Variants in NF2 observed in about 807,000 individuals in gnomAD.
The protein encoded by NF2 is NF2, moesin-ezrin-radixin like (MERLIN) tumor suppressor, also known as merlin.
In NF2, 8 loss-of-function variants were observed where a neutral mutation model predicts 83.7. That is an observed-to-expected ratio of 0.10 (90% CI 0.06 to 0.17). NF2 has a LOEUF of 0.17. NF2 is among the 10% of genes least tolerant of loss of function. The pLI is 1.00. For synonymous variants in NF2, 266 were observed against 269.6 expected (o/e 0.99, Z 0.13); for missense variants, 533 against 744.4 (o/e 0.72, Z 3.31).
chr22:29,674,094 G>T (rs1422458864), intron 12 of NF2, among the ~76,000 whole-genome samples: 1 of 152,202 alleles, frequency 6.6e-6, no homozygotes, highest in Non-Finnish European at 1.5e-5. Context: ...CACAGCTTTT[G>T]GCTCTGTTGA....
rs753696407 is a variant in NF2 at position 29,674,809 on chromosome 22, A to G, written c.1341-27A>G. On this transcript the variant is annotated intron_variant, in intron 12 of 15. Coordinates refer to ENST00000338641, the MANE Select transcript of NF2 (RefSeq NM_000268.4). ...TCCTGCTACCTGCCCTCTTCTGTGAAGCTGACATCTCATCCTTTCCTTGCA... is the reference window on the plus strand; with the variant it reads ...TCCTGCTACCTGCCCTCTTCTGTGAGGCTGACATCTCATCCTTTCCTTGCA... The G allele has an allele frequency of 9.7e-6, 15 of 1,548,252 alleles. No individual in the cohort carries two copies. In the Admixed American group the frequency reaches 2.9e-4, roughly 30 times the overall value.
At chr22:29,626,540 T>G (rs1370506751) in intron 1 of NF2, among the ~76,000 whole-genome samples, 1 of 152,194 alleles carries the variant, frequency 6.6e-6, no homozygotes, top group East Asian at 1.9e-4. Flanking sequence ...TTGATGACCA[T>G]GAGACTTAAT....
In NF2 at chr22:29,640,312, C is replaced by A. The variant is rs577684766; in HGVS notation, c.363+1100C>A. Among the ~76,000 whole-genome samples the A allele has an allele frequency of 1.5e-3, 224 of 151,776 alleles. 2 individuals carry two copies. Among genetic ancestry groups the A allele is most frequent in the Non-Finnish European group, 2.4e-3 (163 of 67,956 alleles). ...ATGCTATGCTGTGTCTCTAATTGTC[C>A]TATTTCTTCCTTAATTCCTCATTAG... On this transcript the variant is annotated intron_variant, in intron 3 of 15. Coordinates refer to ENST00000338641, the MANE Select transcript of NF2 (RefSeq NM_000268.4).
intron 1 of NF2, among the ~76,000 whole-genome samples, chr22:29,612,486 C>CT (rs574380322): frequency 0.022 from 3,348 of 148,888 alleles, 54 homozygotes; most frequent in Non-Finnish European, 0.033. Flanking sequence ...TCATCCCTAG[C>CT]TTTTTTTTTT....
chr22:29,691,522 A>C (rs1309228585), intron 15 of NF2, among the ~76,000 whole-genome samples: 1 of 152,200 alleles, frequency 6.6e-6, no homozygotes, highest in East Asian at 1.9e-4. Context: ...GCTGGTTTTC[A>C]TGTGTTTAAA....
Position 29,695,001 on chromosome 22 carries a change from C to T in NF2, c.*199C>T. ...ACTACGACCCTGTAGAGATTTCTCT[C>T]ATGGCGTTCTAGTTCTCTGACCTGA... On this transcript the variant is annotated 3_prime_UTR_variant, in exon 16 of 16. Transcript: ENST00000338641. The surrounding 1 kb of genome is among the most constrained non-coding windows in gnomAD (Gnocchi z 5.4). 3.1e-6 allele frequency: 2 copies of T among 642,356 alleles called. No individual in the cohort carries two copies. Among genetic ancestry groups the T allele is most frequent in the Non-Finnish European group, 5.6e-6 (2 of 358,066 alleles). 39.8% of individuals were successfully genotyped at this position (642,356 alleles called of 1,614,324 possible).
chr22:29,628,138 A>C (rs1355719989), intron 1 of NF2, among the ~76,000 whole-genome samples: 1 of 109,644 alleles, frequency 9.1e-6, no homozygotes, highest in Non-Finnish European at 1.8e-5. Flanking sequence ...GGGAGACTTA[A>C]TCTGTGTGTG....
chr22:29,627,301 A>G (rs554687654), intron 1 of NF2, among the ~76,000 whole-genome samples: 1 of 152,318 alleles, frequency 6.6e-6, no homozygotes, highest in South Asian at 2.1e-4. Context: ...TACCCAGCAC[A>G]GCGGGTTTGG....
At chr22:29,625,961 G>C (rs1387887069) in intron 1 of NF2, among the ~76,000 whole-genome samples, 1 of 152,024 alleles carries the variant, frequency 6.6e-6, no homozygotes, top group African/African-American at 2.4e-5. Flanking sequence ...CAATAGTTTT[G>C]ATAGTTTGAC....
intron 1 of NF2, among the ~76,000 whole-genome samples, chr22:29,623,989 A>G (rs1323537269): frequency 3.3e-5 from 5 of 152,066 alleles, no homozygotes; most frequent in African/African-American, 1.2e-4. Context: ...AAGTCATCTC[A>G]AGACTTGAGT....
intron 15 of NF2, among the ~76,000 whole-genome samples, chr22:29,690,606 C>G (rs778969535): frequency 1.1e-4 from 16 of 152,284 alleles, no homozygotes; most frequent in Middle Eastern, 3.4e-3. Flanking sequence ...CATAGATCTG[C>G]CCCAGAGAAA....
intron 15 of NF2, chr22:29,683,229 A>G (rs1332912472): frequency 1.3e-6 from 2 of 1,562,746 alleles, no homozygotes; most frequent in African/African-American, 2.7e-5. Context: ...AAAAGTAGGC[A>G]CCCACCCTGT....
At chr22:29,659,582 T>C (rs1053446782) in intron 7 of NF2, among the ~76,000 whole-genome samples, 1 of 152,252 alleles carries the variant, frequency 6.6e-6, no homozygotes, top group Non-Finnish European at 1.5e-5. Flanking sequence ...GTGTCTTTTA[T>C]GTTAAATTTC....
At position 29,683,278 on chromosome 22, in the gene NF2, C is replaced by T. The variant is rs918186762; in HGVS notation, c.1737+1677C>T. On this transcript the variant is annotated intron_variant, in intron 15 of 15. Transcript: ENST00000338641. ...CCTCCAGGGCCCCAGAAGACTGCCT[C>T]GTTCCGAAGAGCATGTCATGGGGCT... 34 of 1,463,546 alleles carry T rather than the reference C, an allele frequency of 2.3e-5. No individual in the cohort carries two copies. The African/African-American group carries it at 3.3e-4, about 14-fold the overall frequency. 90.7% of individuals were successfully genotyped at this position (1,463,546 alleles called of 1,614,324 possible). A position where few individuals can be genotyped will look rare whatever the true frequency, so the allele number is the denominator to read the frequency against.
At chr22:29,624,498 G>A (rs2065291821) in intron 1 of NF2, among the ~76,000 whole-genome samples, 1 of 152,140 alleles carries the variant, frequency 6.6e-6, no homozygotes, top group Admixed American at 6.5e-5. Flanking sequence ...GTGAGCCAAC[G>A]TGCCTGGCCA....
At position 29,698,376 on chromosome 22, in the gene NF2, C is replaced by T. The variant is rs568548162; in HGVS notation, c.*3574C>T. 11 of 219,980 alleles carry T rather than the reference C, an allele frequency of 5.0e-5. 1 individual carries two copies. The Admixed American group carries it at 5.2e-4, about 10-fold the overall frequency. 13.6% of individuals were successfully genotyped at this position (219,980 alleles called of 1,614,324 possible). Reference sequence around the variant, plus strand: ...GCCTCACCACCCCTGGAGGGAGCAGCGTTGGCAGGGAGACAGCCTGGCCCA... The same window carrying T: ...GCCTCACCACCCCTGGAGGGAGCAGTGTTGGCAGGGAGACAGCCTGGCCCA... On this transcript the variant is annotated 3_prime_UTR_variant, in exon 16 of 16. Transcript: ENST00000338641.
chr22:29,686,405 C>T (rs921996939), intron 15 of NF2, among the ~76,000 whole-genome samples: 6 of 152,290 alleles, frequency 3.9e-5, no homozygotes, highest in Non-Finnish European at 7.4e-5. Context: ...GTTGGGAGGC[C>T]GAGGCAGGTG....
At chr22:29,656,741 G>C (rs1276015193) in intron 6 of NF2, among the ~76,000 whole-genome samples, 2 of 152,022 alleles carry the variant, frequency 1.3e-5, no homozygotes, top group African/African-American at 2.4e-5. Flanking sequence ...GAGTTGTTGG[G>C]ACAAAGGATG....
At chr22:29,675,051 CA>C (rs2066919934) in intron 13 of NF2, 110 bp downstream of exon 13, 1 of 880,424 alleles carries the variant, frequency 1.1e-6, no homozygotes, top group South Asian at 1.5e-5. Flanking sequence ...TTCAGGCAAA[CA>C]CATGGCTGGA....
Sources: gnomAD v4.1 joint callset for allele counts (sites outside exome capture counted in the v4.1 genomes callset) on GRCh38, gnomAD v4.1.1 for gene constraint, Gnocchi (gnomAD v3.1) non-coding constraint, MANE v1.5 for transcripts, NCBI Gene and HGNC (gene_info 2026-07-23, HGNC 2026-07-21) for gene names.